Variants in PACRG observed in about 807,000 individuals in gnomAD.
PACRG encodes parkin coregulated gene protein.
A neutral mutation model predicts 29.7 loss-of-function variants in PACRG; 29 were observed. That is an observed-to-expected ratio of 0.98 (90% CI 0.73 to 1.33). The LOEUF (loss-of-function observed/expected upper bound fraction) is 1.33. Ranked by LOEUF, PACRG falls within the 40% of genes most tolerant of loss-of-function variation. The probability of loss-of-function intolerance (pLI) is 0.00; values close to 1 mark genes in which losing one functional copy is unlikely to be tolerated. For missense variants in PACRG, 279 were observed against 316.2 expected (o/e 0.88, Z 0.89); for synonymous variants, 116 against 118.7 (o/e 0.98, Z 0.15).
intron 4 of PACRG, among the ~76,000 whole-genome samples, chr6:163,239,775 CCCACACACACACACA>C (rs1782395457): frequency 6.7e-6 from 1 of 148,902 alleles, no homozygotes; most frequent in African/African-American, 2.5e-5. Flanking sequence ...CACCTCCACC[CCCACACACACACACA>C]CTCACACATT....
chr6:162,783,237 T>A (rs185106296), intron 1 of PACRG, among the ~76,000 whole-genome samples: 3 of 152,114 alleles, frequency 2.0e-5, no homozygotes, highest in African/African-American at 7.2e-5. Context: ...AAAATATATT[T>A]GTTTAAAGTA....
intron 2 of PACRG, among the ~76,000 whole-genome samples, chr6:163,059,310 A>G (rs1439683429): frequency 6.6e-6 from 1 of 152,084 alleles, no homozygotes; most frequent in Non-Finnish European, 1.5e-5. Context: ...TGAGAATAGG[A>G]ATTATGCAGG....
intron 2 of PACRG, among the ~76,000 whole-genome samples, chr6:162,831,849 T>TA (rs1024388516): frequency 2.0e-5 from 3 of 152,234 alleles, no homozygotes; most frequent in African/African-American, 7.2e-5. Flanking sequence ...TGCTCCTTTT[T>TA]ATGGCTGCAT....
chr6:162,730,506 AG>A (rs989308206), intron 1 of PACRG, among the ~76,000 whole-genome samples: 6 of 152,164 alleles, frequency 3.9e-5, no homozygotes, highest in Non-Finnish European at 8.8e-5. Context: ...ATATATCATA[AG>A]GAGTTATACA....
At chr6:162,931,520 T>C (rs978916967) in intron 2 of PACRG, among the ~76,000 whole-genome samples, 1 of 151,992 alleles carries the variant, frequency 6.6e-6, no homozygotes, top group African/African-American at 2.4e-5. Context: ...TATGGATCAA[T>C]TTTTGCAGTT....
chr6:163,092,984 C>T (rs899283228), intron 4 of PACRG, among the ~76,000 whole-genome samples: 9 of 152,306 alleles, frequency 5.9e-5, no homozygotes, highest in African/African-American at 1.9e-4. Context: ...CCGGTCTCAC[C>T]AGCTGCATCA....
At chr6:163,088,347 C>A (rs1813784722) in intron 3 of PACRG, among the ~76,000 whole-genome samples, 1 of 152,158 alleles carries the variant, frequency 6.6e-6, no homozygotes, top group African/African-American at 2.4e-5. Flanking sequence ...TTATTAATTG[C>A]ACTTTTGACC....
chr6:162,932,436 T>A (rs1797922138), intron 2 of PACRG, among the ~76,000 whole-genome samples: 1 of 152,036 alleles, frequency 6.6e-6, no homozygotes, highest in South Asian at 2.1e-4. Context: ...ACACAATTTT[T>A]TTTTGAAGAG....
chr6:162,914,157 A>G (rs554489844), intron 2 of PACRG, among the ~76,000 whole-genome samples: 1 of 152,134 alleles, frequency 6.6e-6, no homozygotes, highest in East Asian at 1.9e-4. Flanking sequence ...AAGATCTCCT[A>G]TGCTTTGTTT....
intron 4 of PACRG, chr6:163,191,120 C>T (rs6908111): frequency 0.33 from 120,338 of 366,676 alleles, 20,268 homozygotes; most frequent in East Asian, 0.44. Flanking sequence ...TATGTATTCA[C>T]CCTTAGTCCA....
At chr6:162,870,639 T>C (rs186518521) in intron 2 of PACRG, among the ~76,000 whole-genome samples, 42 of 152,314 alleles carry the variant, frequency 2.8e-4, no homozygotes, top group African/African-American at 9.6e-4. Flanking sequence ...TGCGTCCTCA[T>C]AGCTTAGCTC....
intron 4 of PACRG, among the ~76,000 whole-genome samples, chr6:163,195,939 T>C (rs1467297366): frequency 6.6e-6 from 1 of 152,038 alleles, no homozygotes; most frequent in Non-Finnish European, 1.5e-5. Context: ...TCGCCTCCAT[T>C]CTCCCGCTCT....
At chr6:162,874,961 G>A (rs1567899) in intron 2 of PACRG, among the ~76,000 whole-genome samples, 148,086 of 152,192 alleles carry the variant, frequency 0.97, 72,053 homozygotes, top group East Asian at 1. Flanking sequence ...ACATGCCTCC[G>A]GTCACACACA....
intron 2 of PACRG, among the ~76,000 whole-genome samples, chr6:163,006,499 T>G (rs902540745): frequency 4.5e-4 from 69 of 151,886 alleles, no homozygotes; most frequent in African/African-American, 1.3e-3. Flanking sequence ...TTTACTGATT[T>G]TTTTGTATAC....
chr6:163,232,054 G>A (rs756443959), intron 4 of PACRG, among the ~76,000 whole-genome samples: 3 of 152,358 alleles, frequency 2.0e-5, no homozygotes, highest in Non-Finnish European at 4.4e-5. Context: ...ATGACTTGAA[G>A]TGGGCACTGA....
intron 4 of PACRG, among the ~76,000 whole-genome samples, chr6:163,209,506 A>G (rs1339086956): frequency 6.6e-6 from 1 of 152,244 alleles, no homozygotes; most frequent in Non-Finnish European, 1.5e-5. Flanking sequence ...ACAACAAATA[A>G]TTGTTAATAT....
At chr6:162,982,352 G>T (rs1802509476) in intron 2 of PACRG, among the ~76,000 whole-genome samples, 1 of 151,698 alleles carries the variant, frequency 6.6e-6, no homozygotes, top group Non-Finnish European at 1.5e-5. Flanking sequence ...TTTGGGTTTG[G>T]TTTTTGTGTT....
chr6:162,828,480 C>G (rs1204342105), intron 2 of PACRG, among the ~76,000 whole-genome samples: 1 of 152,210 alleles, frequency 6.6e-6, no homozygotes, highest in Non-Finnish European at 1.5e-5. Flanking sequence ...GGGTGTCAGA[C>G]CCTGCTCTGC....
At chr6:163,259,202 C>G (rs781728348) in intron 4 of PACRG, among the ~76,000 whole-genome samples, 2 of 152,196 alleles carry the variant, frequency 1.3e-5, no homozygotes, top group Non-Finnish European at 2.9e-5. Flanking sequence ...TTTCAACGTG[C>G]CACACTGACT....
Sources: allele counts gnomAD v4.1 joint callset (sites outside exome capture counted in the v4.1 genomes callset), GRCh38; gene constraint gnomAD v4.1.1; transcripts MANE v1.5; gene names NCBI Gene and HGNC (gene_info 2026-07-23, HGNC 2026-07-21).